EBF2: variants seen among roughly 807,000 people sequenced by gnomAD.
The protein encoded by EBF2 is EBF transcription factor 2, also known as transcription factor COE2.
A neutral mutation model predicts 72.8 loss-of-function variants in EBF2; 21 were observed. The ratio of observed to expected loss-of-function variants is 0.29; its 90% CI spans 0.20 to 0.42. EBF2 has a LOEUF of 0.42. Ranked by LOEUF, EBF2 falls within the 10% of genes least tolerant of loss-of-function variation. EBF2 has a pLI of 1.00. For missense variants in EBF2, 637 were observed against 731.2 expected, an observed-to-expected ratio of 0.87 and a Z score of 1.49; for synonymous variants, 299 against 274.2, an observed-to-expected ratio of 1.09 and a Z score of -0.89.
intron 6 of EBF2, among the ~76,000 whole-genome samples, chr8:25,975,390 T>A (rs992603870): frequency 1.3e-5 from 2 of 152,206 alleles, no homozygotes; most frequent in Non-Finnish European, 2.9e-5. Context: ...AGACAGACAC[T>A]GAAAGCAATA....
At chr8:25,875,192 G>A (rs6984662) in intron 10 of EBF2, among the ~76,000 whole-genome samples, 4,413 of 152,288 alleles carry the variant, frequency 0.029, 217 homozygotes, top group African/African-American at 0.1. Flanking sequence ...TGGTCCAACA[G>A]CAAAGAGGGA....
chr8:26,033,094 A>T lies in EBF2; in HGVS notation c.542T>A (p.Ile181Lys). The T allele has an allele frequency of 6.2e-7, 1 of 1,614,086 alleles. No individual in the cohort carries two copies. The highest frequency in any genetic ancestry group is 8.5e-7 in the Non-Finnish European group (1 of 1,179,928). ...NRNETPSDPV[I>K]IDRFFLKFFL... The stretch of plus-strand genomic sequence containing the variant: ...CACTTTTTCCCCCTACCTGTCAATT[A>T]TGACTGGGTCCGATGGAGTCTCATT... Residue 181 changes from isoleucine (I) to lysine (K), a missense_variant, in exon 6 of 16, where the codon ATA (isoleucine) becomes AAA (lysine). Coordinates refer to ENST00000520164, the MANE Select transcript of EBF2 (RefSeq NM_022659.4).
chr8:26,018,570 C>A (rs993060082), intron 6 of EBF2, among the ~76,000 whole-genome samples: 2 of 150,244 alleles, frequency 1.3e-5, no homozygotes, highest in Admixed American at 6.6e-5. Context: ...ACTCAGGAGG[C>A]TGAGGCAGAA....
intron 6 of EBF2, among the ~76,000 whole-genome samples, chr8:25,997,165 CTG>C (rs1563203133): frequency 6.6e-6 from 1 of 152,184 alleles, no homozygotes; most frequent in Non-Finnish European, 1.5e-5. Flanking sequence ...ACCGCCCACT[CTG>C]TGCTAAAATC....
intron 6 of EBF2, among the ~76,000 whole-genome samples, chr8:25,977,029 G>A (rs1804279310): frequency 6.6e-6 from 1 of 152,132 alleles, no homozygotes; most frequent in South Asian, 2.1e-4. Context: ...CAGTCTCAGG[G>A]TACTTATTCA....
Position 25,905,029 on chromosome 8 carries a change from G to A in EBF2, c.633+3445C>T, listed in dbSNP as rs186386365. Among the ~76,000 whole-genome samples the A allele has an allele frequency of 8.2e-4, 125 of 152,220 alleles. 2 individuals carry two copies. Among genetic ancestry groups the A allele is most frequent in the African/African-American group, 2.9e-3 (119 of 41,550 alleles). ...GACAAATAATGCAACTAAAAAATGGGCAAAGGATTTAAATAGACACTTCCT... is the reference window on the plus strand; with the variant it reads ...GACAAATAATGCAACTAAAAAATGGACAAAGGATTTAAATAGACACTTCCT... On this transcript the variant is annotated intron_variant, in intron 7 of 15. Coordinates refer to ENST00000520164, the MANE Select transcript of EBF2 (RefSeq NM_022659.4).
chr8:25,932,642 C>A (rs1347341301), intron 6 of EBF2, among the ~76,000 whole-genome samples: 1 of 152,186 alleles, frequency 6.6e-6, no homozygotes, highest in East Asian at 1.9e-4. Context: ...TGCTGTCTGG[C>A]CGCAGCTGAT....
chr8:25,975,294 C>A (rs114820037), intron 6 of EBF2, among the ~76,000 whole-genome samples: 2 of 152,104 alleles, frequency 1.3e-5, no homozygotes, highest in South Asian at 4.2e-4. Flanking sequence ...ACTGAAAAGG[C>A]CTTGGAGGTT....
chr8:26,023,283 G>A (rs1449316297), intron 6 of EBF2, among the ~76,000 whole-genome samples: 3 of 152,194 alleles, frequency 2.0e-5, no homozygotes, highest in African/African-American at 7.2e-5. Flanking sequence ...GCAAAGAGAT[G>A]TCTTTTCTAA....
chr8:25,985,893 T>A (rs770100167), intron 6 of EBF2, among the ~76,000 whole-genome samples: 1 of 148,736 alleles, frequency 6.7e-6, no homozygotes, highest in Non-Finnish European at 1.5e-5. Flanking sequence ...TCCCAGCTAC[T>A]GGGGAGGCTG....
intron 6 of EBF2, among the ~76,000 whole-genome samples, chr8:25,940,005 C>T (rs79012643): frequency 6.6e-6 from 1 of 152,270 alleles, no homozygotes; most frequent in Non-Finnish European, 1.5e-5. Flanking sequence ...TTTTGCATGA[C>T]TTAGTAGGCT....
At chr8:26,040,739 T>G in intron 3 of EBF2, 68 bp from the exon 4 acceptor site, 2 of 1,530,396 alleles carry the variant, frequency 1.3e-6, no homozygotes, top group Non-Finnish European at 1.8e-6. Flanking sequence ...AACCCTTCTC[T>G]GCCATGGGTC....
intron 14 of EBF2, among the ~76,000 whole-genome samples, chr8:25,851,475 GA>G (rs759547542): frequency 6.6e-6 from 1 of 151,976 alleles, no homozygotes; most frequent in African/African-American, 2.4e-5. Flanking sequence ...TAATTTCCAA[GA>G]AAAAATAAAA....
At chr8:26,004,479 A>G (rs186974172) in intron 6 of EBF2, among the ~76,000 whole-genome samples, 66 of 152,236 alleles carry the variant, frequency 4.3e-4, no homozygotes, top group Non-Finnish European at 6.2e-4. Flanking sequence ...GTTCGAGACC[A>G]GCCTGGCCAA....
At chr8:25,968,050 T>G (rs979641835) in intron 6 of EBF2, among the ~76,000 whole-genome samples, 4 of 152,132 alleles carry the variant, frequency 2.6e-5, no homozygotes, top group Non-Finnish European at 5.9e-5. Flanking sequence ...CAGAAAAACT[T>G]TTTAAATGTC....
intron 6 of EBF2, among the ~76,000 whole-genome samples, chr8:25,928,782 GAAAAAA>G (rs71551838): frequency 9.1e-6 from 1 of 110,376 alleles, no homozygotes; most frequent in East Asian, 2.6e-4. Context: ...ATTTTTAAAT[GAAAAAA>G]AAAAAAAAAA....
At chr8:25,966,327 C>T (rs62499103) in intron 6 of EBF2, among the ~76,000 whole-genome samples, 4,009 of 152,264 alleles carry the variant, frequency 0.026, 52 homozygotes, top group Middle Eastern at 0.095. Context: ...AGGAGGGGTG[C>T]AGTTGCAATG....
At chr8:25,900,136 C>T (rs1416683930) in intron 7 of EBF2, among the ~76,000 whole-genome samples, 3 of 152,210 alleles carry the variant, frequency 2.0e-5, no homozygotes, top group African/African-American at 7.2e-5. Flanking sequence ...AGCCTGACTC[C>T]TGGAATGATT....
In EBF2 at chr8:26,040,076, T is replaced by C. The variant is rs1256032463; in HGVS notation, c.434A>G (p.Lys145Arg). 6.2e-7 allele frequency: 1 copy of C among 1,613,976 alleles called. No homozygotes were observed. The highest frequency in any genetic ancestry group is 1.3e-5 in the African/African-American group (1 of 74,926). The change falls in exon 5 of 16, where the codon AAG (lysine) becomes AGG (arginine). Residue 145 changes from lysine (K) to arginine (R), a missense_variant. By Grantham distance (26) the Lys-to-Arg change is conservative. Coordinates refer to ENST00000520164, the MANE Select transcript of EBF2 (RefSeq NM_022659.4). ...KQPIAYEGQN[K>R]NPEMCRVLLT... ...GAGAACTCGGCACATTTCCGGATTC[T>C]TATTCTGTCCCTCGTAAGCGATGGG... is the stretch of plus-strand genomic sequence containing the variant.
Sources: gnomAD v4.1 joint callset for allele counts (sites outside exome capture counted in the v4.1 genomes callset) on GRCh38, gnomAD v4.1.1 for gene constraint, MANE v1.5 for transcripts, NCBI Gene and HGNC (gene_info 2026-07-23, HGNC 2026-07-21) for gene names.